Variants in HSPH1 observed in about 807,000 individuals in gnomAD.
HSPH1 encodes the protein heat shock protein 105 kDa.
A neutral mutation model predicts 100.0 loss-of-function variants in HSPH1; 40 were observed. The observed-to-expected ratio is 0.40, with a 90% CI of 0.31 to 0.52. The LOEUF (loss-of-function observed/expected upper bound fraction) is 0.52, where lower values mean the gene tolerates loss of function less well. Among genes scored for constraint, HSPH1 ranks in the 20% least tolerant of loss-of-function variants. The pLI, the probability that HSPH1 is intolerant of heterozygous loss-of-function variation, is 0.54. For missense variants in HSPH1, 876 were observed against 1,015.1 expected, an observed-to-expected ratio of 0.86 and a Z score of 1.86; for synonymous variants, 403 against 344.0, an observed-to-expected ratio of 1.17 and a Z score of -1.90.
intron 5 of HSPH1, 45 bp downstream of exon 5, chr13:31,152,807 A>G (rs772770983): frequency 1.9e-5 from 24 of 1,233,192 alleles, no homozygotes; most frequent in Non-Finnish European, 2.8e-5. Context: ...GAACATCTTT[A>G]GTTCTGATAG....
chr13:31,143,648 A>C, intron 12 of HSPH1, 144 bp downstream of exon 12: 1 of 733,092 alleles, frequency 1.4e-6, no homozygotes, highest in Non-Finnish European at 2.1e-6. Context: ...TTTTAGTTGA[A>C]AAATACATAG....
intron 7 of HSPH1, among the ~76,000 whole-genome samples, chr13:31,150,716 G>A (rs532542785): frequency 6.6e-6 from 1 of 152,204 alleles, no homozygotes; most frequent in African/African-American, 2.4e-5. Context: ...ACGAAGACTT[G>A]AGGGTAGTAC....
rs774730896 is a variant in HSPH1, at chr13:31,161,599, G to T, written c.-17C>A. 16 of 1,610,840 alleles carry T rather than the reference G, an allele frequency of 9.9e-6. No individual in the cohort carries two copies. Among genetic ancestry groups the T allele is most frequent in the Admixed American group, 1.7e-5 (1 of 59,906 alleles). ...CACCGACATGGCCGGCTCGCGGTCC[G>T]CCTCCGCCTCGGGTCTCGGTCTGCG... On this transcript the variant is annotated 5_prime_UTR_variant, in exon 1 of 18. Coordinates refer to ENST00000320027, the MANE Select transcript of HSPH1 (RefSeq NM_006644.4).
Position 31,137,511 on chromosome 13 carries a change from G to A in HSPH1, c.2384C>T (p.Thr795Ile), listed in dbSNP as rs1955924922. The change falls in exon 18 of 18, where the codon ACA becomes ATA. Residue 795 changes from threonine (T) to isoleucine (I), a missense_variant. Physicochemically the swap from Thr to Ile is moderately conservative, Grantham distance 89. Coordinates refer to ENST00000320027, the MANE Select transcript of HSPH1 (RefSeq NM_006644.4). ...CGGTTGTGTTACAACGGGTTCACAT[G>A]TGTTGTTCAATTCCTAAAGAAAACA... The part of the protein sequence containing the change: ...IKTKIKELNN[T>I]CEPVVTQPKP... 1 of 1,611,302 alleles carries A rather than the reference G, an allele frequency of 6.2e-7. No homozygotes were observed. Among genetic ancestry groups the A allele is most frequent in the African/African-American group, 1.3e-5 (1 of 74,798 alleles).
chr13:31,161,749 A>G lies in HSPH1; in HGVS notation c.-167T>C. 2.6e-6 allele frequency: 4 copies of G among 1,530,396 alleles called. No individual in the cohort carries two copies. The highest frequency in any genetic ancestry group is 3.5e-6 in the Non-Finnish European group (4 of 1,143,464). The allele number at this position is 1,530,396 out of a possible 1,614,324, so 94.8% of individuals were successfully genotyped here. A position where few individuals can be genotyped will look rare whatever the true frequency, so the allele number is the denominator to read the frequency against. ...GACACACAGACAGCCGCGGCCTGTCAGGAGCCTCCTACTCCCCCGGGGACA... is the reference window on the plus strand; with the variant it reads ...GACACACAGACAGCCGCGGCCTGTCGGGAGCCTCCTACTCCCCCGGGGACA... On this transcript the variant is annotated 5_prime_UTR_variant, in exon 1 of 18. Coordinates refer to ENST00000320027, the MANE Select transcript of HSPH1 (RefSeq NM_006644.4).
At chr13:31,158,980 C>A in intron 1 of HSPH1, 117 bp from the exon 2 acceptor site, 3 of 670,250 alleles carry the variant, frequency 4.5e-6, no homozygotes, top group South Asian at 1.7e-5. Context: ...ACAAGCATAG[C>A]ACAATTTTAA....
At position 31,148,006 on chromosome 13, in the gene HSPH1, G is replaced by A. The variant is rs1593194506; in HGVS notation, c.1331C>T (p.Ala444Val). The change falls in exon 10 of 18, where the codon GCT becomes GTT. Residue 444 changes from alanine to valine, a missense_variant. Coordinates refer to ENST00000320027, the MANE Select transcript of HSPH1 (RefSeq NM_006644.4). ...AACTCCTTGGGGATCAGAATAGAAA[G>A]CTTCTAGCTCAAAAGGCCCCCTTCT... is the stretch of plus-strand genomic sequence containing the variant. Reference protein sequence around the residue: ...FLRRGPFELEAFYSDPQGVPY... With the variant: ...FLRRGPFELEVFYSDPQGVPY... 1 of 1,609,942 alleles carries A rather than the reference G, an allele frequency of 6.2e-7. No individual in the cohort carries two copies. The highest frequency in any genetic ancestry group is 1.7e-5 in the Admixed American group (1 of 59,048).
chr13:31,152,489 A>G (rs374345255), intron 5 of HSPH1: 4 of 221,268 alleles, frequency 1.8e-5, no homozygotes, highest in East Asian at 1.2e-4. Flanking sequence ...GATAAAAAAA[A>G]ATTTTTTAAA....
chr13:31,148,330 C>T (rs55729860), intron 9 of HSPH1, 44 bp downstream of exon 9: 1 of 1,238,402 alleles, frequency 8.1e-7, no homozygotes, highest in South Asian at 1.3e-5. Flanking sequence ...GTTAATTTTT[C>T]TTCTTTACAT....
chr13:31,151,651 A>C lies in HSPH1; in HGVS notation c.621T>G (p.Ala207=). ...IVVFVDMGHS[A]FQVSACAFNK... The stretch of plus-strand genomic sequence containing the variant: ...TAAAAGCACAAGCAGACACTTGAAA[A>C]GCTGAATGTCCCATATCAACAAAAA... Residue 207 remains alanine, a synonymous_variant, in exon 6 of 18, where the codon GCT becomes GCG. Coordinates refer to ENST00000320027, the MANE Select transcript of HSPH1 (RefSeq NM_006644.4). The C allele has an allele frequency of 6.2e-7, 1 of 1,612,924 alleles. No individual in the cohort carries two copies. Among genetic ancestry groups the C allele is most frequent in the South Asian group, 1.1e-5 (1 of 90,882 alleles).
In HSPH1 at chr13:31,141,257, T is replaced by C. The variant is rs372540084; in HGVS notation, c.1719A>G (p.Ala573=). 26 of 1,590,244 alleles carry C rather than the reference T, an allele frequency of 1.6e-5. No individual in the cohort carries two copies. The Middle Eastern group carries it at 5.0e-4, about 31-fold the overall frequency. ...EENKIPDADK[A]NEKKVDQPPE... is the part of the protein sequence containing the mutation. ...GAGGCTGGTCAACTTTTTTTTCATT[T>C]GCCTTGGGAAGAGGAATAAAAAAAG... Residue 573 remains alanine, a splice_region_variant and synonymous_variant, in exon 13 of 18, where the codon GCA becomes GCG. Transcript: ENST00000320027.
At chr13:31,148,173 T>A in intron 9 of HSPH1, 81 bp from the exon 10 acceptor site, 1 of 1,379,262 alleles carries the variant, frequency 7.3e-7, no homozygotes, top group Middle Eastern at 1.8e-4. Context: ...AAAAGAGGCT[T>A]TCTAAAATCT....
intron 4 of HSPH1, 62 bp from the exon 5 acceptor site, chr13:31,153,013 C>A: frequency 8.8e-7 from 1 of 1,133,320 alleles, no homozygotes; most frequent in South Asian, 1.2e-5. Flanking sequence ...AAATTCCTCA[C>A]AAACCACTTA....
chr13:31,161,347 C>T (rs1006336181), intron 1 of HSPH1, 129 bp downstream of exon 1: 4 of 1,464,942 alleles, frequency 2.7e-6, no homozygotes, highest in Admixed American at 4.5e-5. Flanking sequence ...CCTAGTTCCA[C>T]GGAGGGGTGC....
At chr13:31,142,611 A>G (rs1956135975) in intron 12 of HSPH1, among the ~76,000 whole-genome samples, 1 of 152,106 alleles carries the variant, frequency 6.6e-6, no homozygotes, top group South Asian at 2.1e-4. Context: ...TACCCAATTA[A>G]ACCAACTACT....
At position 31,145,754 on chromosome 13, in the gene HSPH1, G is replaced by T; in HGVS notation, c.1393C>A (p.Gln465Lys). Residue 465 changes from glutamine to lysine, a missense_variant, in exon 11 of 18, where the codon CAG becomes AAG. Transcript: ENST00000320027. The stretch of plus-strand genomic sequence containing the variant: ...CCATCTTTCTGTGCAGAAACATTCT[G>T]AACTACAAAGCGGCCTAGAACAACA... ...PEAKIGRFVV[Q>K]NVSAQKDGEK... 1 of 1,613,286 alleles carries T rather than the reference G, an allele frequency of 6.2e-7. No homozygotes were observed. Among genetic ancestry groups the T allele is most frequent in the Admixed American group, 1.7e-5 (1 of 59,896 alleles).
intron 2 of HSPH1, among the ~76,000 whole-genome samples, chr13:31,156,271 T>G (rs1956688374): frequency 6.6e-6 from 1 of 151,962 alleles, no homozygotes; most frequent in African/African-American, 2.4e-5. Context: ...GCACCTGCAG[T>G]CCCAGCTACT....
At chr13:31,145,023 T>C (rs1956220175) in intron 11 of HSPH1, among the ~76,000 whole-genome samples, 1 of 152,144 alleles carries the variant, frequency 6.6e-6, no homozygotes, top group Non-Finnish European at 1.5e-5. Context: ...AATTCTTCTG[T>C]TGACCACACA....
chr13:31,139,834 G>A (rs1956024864), intron 14 of HSPH1, among the ~76,000 whole-genome samples: 1 of 152,004 alleles, frequency 6.6e-6, no homozygotes, highest in Non-Finnish European at 1.5e-5. Context: ...CTTATGAGAT[G>A]AAACAATGAC....
Sources: allele counts gnomAD v4.1 joint callset (sites outside exome capture counted in the v4.1 genomes callset), GRCh38; gene constraint gnomAD v4.1.1; transcripts MANE v1.5; gene names NCBI Gene and HGNC (gene_info 2026-07-23, HGNC 2026-07-21).